Variants in FBN3 observed in about 807,000 individuals in gnomAD.
FBN3 encodes the protein fibrillin 3, also known as fibrillin-3.
In FBN3, 234 loss-of-function variants were observed where a neutral mutation model predicts 330.1. The observed-to-expected ratio is 0.71, with a 90% CI of 0.64 to 0.79. The LOEUF is 0.79. Among genes scored for constraint, FBN3 ranks in the 30% least tolerant of loss-of-function variants. FBN3 has a pLI of 0.00. For synonymous variants in FBN3, 1,458 were observed against 1,517.3 expected (o/e 0.96, Z 0.91); for missense variants, 3,606 against 3,886.9 (o/e 0.93, Z 1.92).
Position 8,085,459 on chromosome 19 carries a change from C to T in FBN3, c.6991G>A (p.Gly2331Ser). 1 of 1,578,610 alleles carries T rather than the reference C, an allele frequency of 6.3e-7. No homozygotes were observed. Residue 2331 changes from glycine to serine, a missense_variant, in exon 56 of 64, where the codon GGC becomes AGC. Gly to Ser is a moderately conservative substitution (Grantham distance 56). Coordinates refer to ENST00000600128, the MANE Select transcript of FBN3 (RefSeq NM_032447.5). ...RAECCCGGGRGWGPRCELCPL... is the reference protein window; with the variant it reads ...RAECCCGGGRSWGPRCELCPL... ...CAGAGCTCGCAGCGGGGCCCCCAGC[C>T]CCGGCCACCCCCACAGCAGCACTCG... is the stretch of plus-strand genomic sequence containing the variant.
Position 8,118,869 on chromosome 19 carries a change from A to C in FBN3, c.3337+28T>G, listed in dbSNP as rs200813155. 84 of 1,594,074 alleles carry C rather than the reference A, an allele frequency of 5.3e-5. No homozygotes were observed. The African/African-American group carries it at 1.1e-3, about 21-fold the overall frequency. ...CTTTCACACACATGGGCTAACACTC[A>C]CACTTGCACACCCAGATGCACACTT... On this transcript the variant is annotated intron_variant, in intron 26 of 63. Transcript: ENST00000600128.
At chr19:8,147,598 C>T in intron 1 of FBN3, 101 bp from the exon 2 acceptor site, 1 of 1,056,848 alleles carries the variant, frequency 9.5e-7, no homozygotes, top group South Asian at 2.4e-5. Flanking sequence ...AATGGGGCAG[C>T]CCCGGGGCCT....
chr19:8,100,601 G>A lies in FBN3; in HGVS notation c.5161+300C>T, dbSNP rs186690621. ...GATCCACCCACCTCGGCCTCCCAAA[G>A]TGCTGGGATGACAGGCATGAGCCAC... On this transcript the variant is annotated intron_variant, in intron 41 of 63. Transcript: ENST00000600128. Among the ~76,000 whole-genome samples, 263 of 152,282 alleles carry A rather than the reference G, an allele frequency of 1.7e-3. 2 individuals are homozygous for A. The highest frequency in any genetic ancestry group is 6.0e-3 in the African/African-American group (251 of 41,548).
At chr19:8,108,645 T>G (rs1037354445) in intron 36 of FBN3, among the ~76,000 whole-genome samples, 3 of 152,056 alleles carry the variant, frequency 2.0e-5, no homozygotes, top group Non-Finnish European at 4.4e-5. Flanking sequence ...GGTGGACAGG[T>G]ACCTCCCTGT....
intron 18 of FBN3, among the ~76,000 whole-genome samples, chr19:8,127,112 C>CAGT (rs1456429896): frequency 1.4e-5 from 2 of 139,752 alleles, no homozygotes; most frequent in Non-Finnish European, 3.0e-5. Context: ...GGTTGGAGTG[C>CAGT]AGTGGCACCA....
At position 8,147,118 on chromosome 19, in the gene FBN3, C is replaced by T. The variant is rs1325248550; in HGVS notation, c.236G>A (p.Ser79Asn). Reference sequence around the variant, plus strand: ...GTAGCACTCACGTACGACACACTGGCTCCTGCCAGGGAATGTCCTCCAGCC... The same window carrying T: ...GTAGCACTCACGTACGACACACTGGTTCCTGCCAGGGAATGTCCTCCAGCC... ...CPGWRTFPGR[S>N]QCVVPICRRA... Residue 79 changes from serine to asparagine, a missense_variant, in exon 3 of 64, where the codon AGC becomes AAC. Ser to Asn is a conservative substitution (Grantham distance 46). Transcript: ENST00000600128. 6.4e-7 allele frequency: 1 copy of T among 1,565,358 alleles called. No homozygotes were observed. Among genetic ancestry groups the T allele is most frequent in the East Asian group, 2.4e-5 (1 of 42,366 alleles).
Position 8,118,991 on chromosome 19 carries a change from G to A in FBN3, c.3243C>T (p.Leu1081=), listed in dbSNP as rs1347808273. 1 of 1,609,544 alleles carries A rather than the reference G, an allele frequency of 6.2e-7. No individual in the cohort carries two copies. Among genetic ancestry groups the A allele is most frequent in the East Asian group, 2.2e-5 (1 of 44,756 alleles). ...DVDECARDPL[L]CRGGTCTNTD... is the part of the protein sequence containing the mutation. ...TGTTGGTGCAAGTGCCTCCCCGGCA[G>A]AGCAGCGGGTCCCTTGCACACTCGT... The change falls in exon 26 of 64, where the codon CTC becomes CTT. Residue 1081 remains leucine, a synonymous_variant. Transcript: ENST00000600128.
At chr19:8,082,047 T>G (rs1222986363) in intron 57 of FBN3, among the ~76,000 whole-genome samples, 1 of 149,752 alleles carries the variant, frequency 6.7e-6, no homozygotes, top group African/African-American at 2.5e-5. Context: ...CACTGCACCC[T>G]CCGCCTCCCA....
intron 41 of FBN3, among the ~76,000 whole-genome samples, chr19:8,098,849 C>G (rs540123295): frequency 6.6e-6 from 1 of 152,080 alleles, no homozygotes; most frequent in Non-Finnish European, 1.5e-5. Flanking sequence ...CAATAGGGGA[C>G]TGGAAACAAT....
rs761842840 is a variant in FBN3, at chr19:8,106,144, C to T, written c.4777G>A (p.Gly1593Ser). Reference sequence around the variant, plus strand: ...CGGGTGTGCTCACTGAGGTGGTAGCCAGGTGGGCACTCACACTGGAAACTG... The same window carrying T: ...CGGGTGTGCTCACTGAGGTGGTAGCTAGGTGGGCACTCACACTGGAAACTG... ...FGSFQCECPP[G>S]YHLSEHTRIC... The change falls in exon 38 of 64, where the codon GGC becomes AGC. Residue 1593 changes from glycine to serine, a missense_variant. Coordinates refer to ENST00000600128, the MANE Select transcript of FBN3 (RefSeq NM_032447.5). 2 of 1,614,142 alleles carry T rather than the reference C, an allele frequency of 1.2e-6. No individual in the cohort carries two copies. Among genetic ancestry groups the T allele is most frequent in the South Asian group, 2.2e-5 (2 of 91,078 alleles).
At chr19:8,148,982 T>C (rs1416185423) in intron 1 of FBN3, 3 of 152,436 alleles carry the variant, frequency 2.0e-5, no homozygotes, top group Admixed American at 6.5e-5. Context: ...TCTGGCCTGA[T>C]TTGCCTCGGT....
At chr19:8,123,365 A>G in intron 24 of FBN3, 99 bp downstream of exon 24, 1 of 1,144,312 alleles carries the variant, frequency 8.7e-7, no homozygotes, top group Non-Finnish European at 1.2e-6. Flanking sequence ...GAAAAAAAAA[A>G]GAAGAAGAAA....
chr19:8,109,310 A>G lies in FBN3; in HGVS notation c.4535T>C (p.Val1512Ala). ...ACAGCAGGAAGCTCGGGTGACACCA[A>G]CTCCGATCTCGGCACTGCAGGAAAT... is the stretch of plus-strand genomic sequence containing the variant. ...SGISCSAEIGVGVTRASCCCS... is the reference protein window; with the variant it reads ...SGISCSAEIGAGVTRASCCCS... Residue 1512 changes from valine (V) to alanine (A), a missense_variant, in exon 36 of 64, where the codon GTT becomes GCT. Coordinates refer to ENST00000600128, the MANE Select transcript of FBN3 (RefSeq NM_032447.5). This position sits in a 1 kb window ranked among gnomAD's most constrained non-coding sequence, Gnocchi z 5.2. 2 of 1,613,540 alleles carry G rather than the reference A, an allele frequency of 1.2e-6. No individual in the cohort carries two copies. The highest frequency in any genetic ancestry group is 2.2e-5 in the South Asian group (2 of 91,018).
chr19:8,087,960 G>T lies in FBN3; in HGVS notation c.6497-13C>A. The T allele has an allele frequency of 1.2e-6, 2 of 1,614,144 alleles. No homozygotes were observed. Among genetic ancestry groups the T allele is most frequent in the Non-Finnish European group, 1.7e-6 (2 of 1,180,036 alleles). On this transcript the variant is annotated splice_polypyrimidine_tract_variant and intron_variant, in intron 52 of 63. Coordinates refer to ENST00000600128, the MANE Select transcript of FBN3 (RefSeq NM_032447.5). ...CATTCGTCGATGTCTGGGGAGGCCA[G>T]TGGAGGTGCCAGCTGGGTAGGGACT...
At position 8,123,417 on chromosome 19, in the gene FBN3, C is replaced by A. The variant is rs377459105; in HGVS notation, c.3082+47G>T. Reference sequence around the variant, plus strand: ...TCTACGTCTTATTTGAGGCCCCTATCCCTGCCAAGGATCACGCTCTCTCCA... The same window carrying A: ...TCTACGTCTTATTTGAGGCCCCTATACCTGCCAAGGATCACGCTCTCTCCA... On this transcript the variant is annotated intron_variant, in intron 24 of 63. Transcript: ENST00000600128. 5 of 1,595,262 alleles carry A rather than the reference C, an allele frequency of 3.1e-6. No homozygotes were observed. In the African/African-American group the frequency reaches 5.4e-5, roughly 17 times the overall value.
rs377734374 is a variant in FBN3, at chr19:8,136,275, G to C, written c.1380C>G (p.His460Gln). The change falls in exon 12 of 64, where the codon CAC becomes CAG. Residue 460 changes from histidine (H) to glutamine (Q), a missense_variant. Coordinates refer to ENST00000600128, the MANE Select transcript of FBN3 (RefSeq NM_032447.5). The stretch of plus-strand genomic sequence containing the variant: ...TGCCGGGGATGTTGACGCAGTCACC[G>C]TGGTGGCAGGGGCTGCTGGTGCATT... ...VDECTSSPCH[H>Q]GDCVNIPGTY... is the part of the protein sequence containing the mutation. The C allele has an allele frequency of 3.1e-6, 5 of 1,604,608 alleles. No individual in the cohort carries two copies. The highest frequency in any genetic ancestry group is 4.2e-6 in the Non-Finnish European group (5 of 1,176,588).
chr19:8,111,397 G>A (rs980025892), intron 32 of FBN3, among the ~76,000 whole-genome samples: 4 of 152,084 alleles, frequency 2.6e-5, no homozygotes, highest in African/African-American at 9.7e-5. Context: ...ACTCCAGAGA[G>A]GGGACCCAGT....
chr19:8,135,982 G>C lies in FBN3; in HGVS notation c.1570C>G (p.Pro524Ala). Residue 524 changes from proline (P) to alanine (A), a missense_variant, in exon 13 of 64, where the codon CCT (proline) becomes GCT (alanine). Coordinates refer to ENST00000600128, the MANE Select transcript of FBN3 (RefSeq NM_032447.5). The stretch of plus-strand genomic sequence containing the variant: ...TCACCCACACAGTTCTTGCCGTCAG[G>C]GCTGAGCTCGAAGCCTGCATTGCAG... The part of the protein sequence containing the change: ...CVCNAGFELS[P>A]DGKNCVDHNE... 7.8e-7 allele frequency: 1 copy of C among 1,289,618 alleles called. No individual in the cohort carries two copies. Among genetic ancestry groups the C allele is most frequent in the South Asian group, 1.2e-5 (1 of 81,872 alleles). 79.9% of individuals were successfully genotyped at this position (1,289,618 alleles called of 1,614,324 possible).
chr19:8,106,353 G>T, intron 37 of FBN3, 120 bp from the exon 38 acceptor site: 1 of 969,036 alleles, frequency 1.0e-6, no homozygotes. Flanking sequence ...TGCTGTCCAT[G>T]ACTGATAGAC....
Sources: allele counts gnomAD v4.1 joint callset (sites outside exome capture counted in the v4.1 genomes callset), GRCh38; gene constraint gnomAD v4.1.1; non-coding constraint Gnocchi (gnomAD v3.1); transcripts MANE v1.5; gene names NCBI Gene and HGNC (gene_info 2026-07-23, HGNC 2026-07-21).